GNA12: variants seen among roughly 807,000 people sequenced by gnomAD.
GNA12 encodes G protein subunit alpha 12.
Under a neutral mutation model 26.0 loss-of-function variants are expected in GNA12, and 9 were observed. The observed-to-expected ratio is 0.35, with a 90% confidence interval of 0.21 to 0.60. GNA12 has a LOEUF of 0.60. Among genes scored for constraint, GNA12 ranks in the 20% least tolerant of loss-of-function variants. GNA12 has a pLI of 0.78. For missense variants in GNA12, 405 were observed against 525.8 expected (o/e 0.77, Z 2.25); for synonymous variants, 264 against 219.6 (o/e 1.20, Z -1.79).
At chr7:2,825,403 C>T (rs749283801) in intron 1 of GNA12, among the ~76,000 whole-genome samples, 14 of 151,868 alleles carry the variant, frequency 9.2e-5, no homozygotes, top group Non-Finnish European at 1.5e-4. Flanking sequence ...CGGGAAGGGG[C>T]GGACAGAAGC....
At chr7:2,794,066 G>C (rs1268803318) in intron 2 of GNA12, among the ~76,000 whole-genome samples, 1 of 152,182 alleles carries the variant, frequency 6.6e-6, no homozygotes, top group African/African-American at 2.4e-5. Context: ...AACATGTGGA[G>C]TGAAAAAGGC....
chr7:2,790,202 G>C lies in GNA12; in HGVS notation c.525+4726C>G, dbSNP rs187414212. The stretch of plus-strand genomic sequence containing the variant: ...ACCTCTGACCTCCTCCTGCCGGATA[G>C]AATTGTCTGCTTTTTTCCTTTATGC... On this transcript the variant is annotated intron_variant, in intron 2 of 3. Coordinates refer to ENST00000275364, the MANE Select transcript of GNA12 (RefSeq NM_007353.3). Among the ~76,000 whole-genome samples the C allele has an allele frequency of 1.4e-3, 208 of 152,298 alleles. 1 individual carries two copies. Among genetic ancestry groups the C allele is most frequent in the Non-Finnish European group, 2.1e-3 (145 of 68,018 alleles).
Position 2,803,548 on chromosome 7 carries a change from T to C in GNA12, c.310-8405A>G, listed in dbSNP as rs1229087234. 5.3e-5 allele frequency among the ~76,000 whole-genome samples: 8 copies of C among 152,136 alleles called. No homozygotes were observed. In the East Asian group the frequency reaches 1.4e-3, roughly 26 times the overall value. ...AGCACGGAGAGCAGTGAGGGCCCTG[T>C]TGTGTAAGCACAATACCCACCAGTT... On this transcript the variant is annotated intron_variant, in intron 1 of 3. Coordinates refer to ENST00000275364, the MANE Select transcript of GNA12 (RefSeq NM_007353.3).
intron 1 of GNA12, among the ~76,000 whole-genome samples, chr7:2,814,657 C>G (rs1006141542): frequency 1.4e-5 from 2 of 142,438 alleles, no homozygotes; most frequent in Non-Finnish European, 3.0e-5. Context: ...TTTTTCGTGG[C>G]ATAGAATCTC....
In GNA12 at chr7:2,731,346, G is replaced by C; in HGVS notation, c.981C>G (p.Val327=). 1 of 1,613,990 alleles carries C rather than the reference G, an allele frequency of 6.2e-7. No homozygotes were observed. Among genetic ancestry groups the C allele is most frequent in the Non-Finnish European group, 8.5e-7 (1 of 1,179,986 alleles). ...CGAAGCACTGGACCAGGTAGCGCTG[G>C]ACGTCCTCCAGCCTGTGCGGGTCGC... The part of the protein sequence containing the change: ...FRGDPHRLED[V]QRYLVQCFDR... Residue 327 remains valine (V), a synonymous_variant, in exon 4 of 4, where the codon GTC becomes GTG. Coordinates refer to ENST00000275364, the MANE Select transcript of GNA12 (RefSeq NM_007353.3). This position sits in a 1 kb window ranked among gnomAD's most constrained non-coding sequence, Gnocchi z 6.0.
chr7:2,733,624 G>A, intron 2 of GNA12, 123 bp from the exon 3 acceptor site: 24 of 713,428 alleles, frequency 3.4e-5, no homozygotes, highest in Admixed American at 2.2e-4. Context: ...GAAAGCAAAG[G>A]AAAAAGGCAG....
chr7:2,808,464 G>A (rs558446741), intron 1 of GNA12, among the ~76,000 whole-genome samples: 1 of 152,370 alleles, frequency 6.6e-6, no homozygotes, highest in East Asian at 1.9e-4. Context: ...AGAGTGCCCA[G>A]GTGCTGTGGG....
At chr7:2,834,479 G>A (rs1778771986) in intron 1 of GNA12, among the ~76,000 whole-genome samples, 1 of 152,154 alleles carries the variant, frequency 6.6e-6, no homozygotes, top group Non-Finnish European at 1.5e-5. Flanking sequence ...GAGAGTAGGG[G>A]CTCTGCAATA....
chr7:2,763,165 G>T, intron 2 of GNA12: 4 of 1,084,802 alleles, frequency 3.7e-6, no homozygotes, highest in Non-Finnish European at 4.5e-6. Flanking sequence ...CTGACAAGAG[G>T]TTAGCAGGAC....
chr7:2,842,645 C>T (rs879538076), intron 1 of GNA12, among the ~76,000 whole-genome samples: 4 of 152,160 alleles, frequency 2.6e-5, no homozygotes, highest in Non-Finnish European at 4.4e-5. Context: ...AAAAAGGAAG[C>T]AAGAGACAGG....
chr7:2,834,171 G>T (rs78026201), intron 1 of GNA12, among the ~76,000 whole-genome samples: 1,909 of 152,346 alleles, frequency 0.013, 45 homozygotes, highest in African/African-American at 0.043. Flanking sequence ...CTTTGGACTA[G>T]AAAGTTCTGA....
At chr7:2,835,611 C>T (rs986637646) in intron 1 of GNA12, 4 of 689,300 alleles carry the variant, frequency 5.8e-6, no homozygotes, top group Non-Finnish European at 1.1e-5. Flanking sequence ...TGCTGTTCTC[C>T]AGTCCCGAGA....
At chr7:2,737,274 G>GTTTTGTTTTGTTTT (rs1790242698) in intron 2 of GNA12, among the ~76,000 whole-genome samples, 14 of 35,042 alleles carry the variant, frequency 4.0e-4, no homozygotes, top group African/African-American at 1.4e-3. Flanking sequence ...GTTTTGTTTT[G>GTTTTGTTTTGTTTT]TTTTTTTTTT....
Position 2,836,666 on chromosome 7 carries a change from G to A in GNA12, c.309+7187C>T, listed in dbSNP as rs148202899. 4.8e-3 allele frequency among the ~76,000 whole-genome samples: 735 copies of A among 152,348 alleles called. 7 individuals are homozygous for A. Among genetic ancestry groups the A allele is most frequent in the African/African-American group, 0.016 (681 of 41,586 alleles). On this transcript the variant is annotated intron_variant, in intron 1 of 3. Transcript: ENST00000275364. ...AGGCCAGGTGCGGTGGCCCACACCT[G>A]TAATCCCAGCACTTTGGGAGGCCGA...
intron 2 of GNA12, among the ~76,000 whole-genome samples, chr7:2,753,898 A>G (rs1042342710): frequency 2.0e-5 from 3 of 152,038 alleles, no homozygotes; most frequent in Non-Finnish European, 4.4e-5. Context: ...GATCATCTCA[A>G]TGTGGCAGGG....
intron 2 of GNA12, among the ~76,000 whole-genome samples, chr7:2,777,188 C>T (rs1028731038): frequency 6.6e-6 from 1 of 152,154 alleles, no homozygotes; most frequent in Non-Finnish European, 1.5e-5. Context: ...GTGACTGAAC[C>T]TAATGCTCCT....
At chr7:2,795,817 T>A (rs1792654480) in intron 1 of GNA12, among the ~76,000 whole-genome samples, 1 of 30,554 alleles carries the variant, frequency 3.3e-5, no homozygotes, top group Non-Finnish European at 9.1e-5. Context: ...AAAAAACAAC[T>A]TTTTTTTTTT....
intron 1 of GNA12, among the ~76,000 whole-genome samples, chr7:2,834,483 T>C (rs1778772080): frequency 6.6e-6 from 1 of 152,216 alleles, no homozygotes; most frequent in Non-Finnish European, 1.5e-5. Context: ...GTAGGGGCTC[T>C]GCAATATGCA....
At chr7:2,810,972 C>T (rs1346125824) in intron 1 of GNA12, among the ~76,000 whole-genome samples, 1 of 152,056 alleles carries the variant, frequency 6.6e-6, no homozygotes, top group Non-Finnish European at 1.5e-5. Context: ...CCCTGGAGCG[C>T]TCTCATTCAA....
Sources: allele counts gnomAD v4.1 joint callset (sites outside exome capture counted in the v4.1 genomes callset), GRCh38; gene constraint gnomAD v4.1.1; non-coding constraint Gnocchi (gnomAD v3.1); transcripts MANE v1.5; gene names NCBI Gene and HGNC (gene_info 2026-07-23, HGNC 2026-07-21).